MOB1B: variants seen among roughly 807,000 people sequenced by gnomAD.
The protein encoded by MOB1B is MOB1 Mps One Binder homolog B.
MOB1B carries 19 observed loss-of-function variants against 24.4 expected under a neutral mutation model. That is an observed-to-expected ratio of 0.78 (90% confidence interval 0.54 to 1.14). The LOEUF (loss-of-function observed/expected upper bound fraction) is 1.14, where lower values mean the gene tolerates loss of function less well. Ranked by LOEUF, MOB1B falls within the 50% of genes most tolerant of loss-of-function variation. MOB1B has a pLI of 0.00. For missense variants in MOB1B, 243 were observed against 259.6 expected, an observed-to-expected ratio of 0.94 and a Z score of 0.44; for synonymous variants, 76 against 82.1, an observed-to-expected ratio of 0.93 and a Z score of 0.40.
At chr4:70,970,088 G>T in intron 3 of MOB1B, 64 bp downstream of exon 3, 1 of 972,522 alleles carries the variant, frequency 1.0e-6, no homozygotes, top group Non-Finnish European at 1.6e-6. Flanking sequence ...AAAGAAAAAC[G>T]AAGTTTCTGA....
Position 70,982,345 on chromosome 4 carries a change from A to G in MOB1B, c.*288A>G, listed in dbSNP as rs1292687264. ...TTAATAATATTGTGTGCTGCAAGAA[A>G]GTGCTTGTTGATTGAACTGCCGATG... is the stretch of plus-strand genomic sequence containing the variant. On this transcript the variant is annotated 3_prime_UTR_variant, in exon 6 of 6. Coordinates refer to ENST00000309395, the MANE Select transcript of MOB1B (RefSeq NM_173468.4). The G allele has an allele frequency of 4.2e-6, 1 of 237,452 alleles. No individual in the cohort carries two copies. The highest frequency in any genetic ancestry group is 2.3e-5 in the African/African-American group (1 of 43,976). 14.7% of individuals were successfully genotyped at this position (237,452 alleles called of 1,614,324 possible).
intron 1 of MOB1B, among the ~76,000 whole-genome samples, chr4:70,950,427 C>CAAAAAAA (rs34937726): frequency 1.4e-5 from 1 of 70,392 alleles, no homozygotes; most frequent in Non-Finnish European, 3.4e-5. Flanking sequence ...GTCTCTGTAT[C>CAAAAAAA]AAAAAAAAAA....
intron 1 of MOB1B, among the ~76,000 whole-genome samples, chr4:70,907,677 T>C (rs1383837328): frequency 1.3e-5 from 2 of 152,026 alleles, no homozygotes; most frequent in Admixed American, 6.6e-5. Flanking sequence ...CAAAAAACAT[T>C]AGCCAGGTGT....
At chr4:70,954,890 A>G (rs1040779856) in intron 1 of MOB1B, among the ~76,000 whole-genome samples, 11 of 151,874 alleles carry the variant, frequency 7.2e-5, no homozygotes, top group Admixed American at 4.6e-4. Flanking sequence ...GGTTCAAGCA[A>G]TTCTCCTGCC....
chr4:70,958,761 A>G, intron 1 of MOB1B, 113 bp from the exon 2 acceptor site: 1 of 1,002,922 alleles, frequency 1.0e-6, no homozygotes, highest in Admixed American at 1.7e-5. Flanking sequence ...AGTTACAGCA[A>G]TTCTATTGCT....
At chr4:70,950,434 A>G (rs1737755197) in intron 1 of MOB1B, among the ~76,000 whole-genome samples, 3 of 151,452 alleles carry the variant, frequency 2.0e-5, no homozygotes, top group Middle Eastern at 6.9e-3. Flanking sequence ...TATCAAAAAA[A>G]AAAAAAAAAA....
At chr4:70,914,700 G>A (rs1328223180) in intron 1 of MOB1B, among the ~76,000 whole-genome samples, 1 of 152,184 alleles carries the variant, frequency 6.6e-6, no homozygotes, top group Non-Finnish European at 1.5e-5. Context: ...CCTTTCCTAT[G>A]TTTTTCTTTG....
chr4:70,965,862 C>G (rs544627300), intron 2 of MOB1B, among the ~76,000 whole-genome samples: 8 of 147,474 alleles, frequency 5.4e-5, no homozygotes, highest in Non-Finnish European at 1.2e-4. Context: ...ATAAATTTAT[C>G]CCAATAAATT....
rs184825903 is a variant in MOB1B at position 70,962,376 on chromosome 4, A to T, written c.181+3336A>T. 3.8e-3 allele frequency among the ~76,000 whole-genome samples: 580 copies of T among 152,350 alleles called. 2 individuals carry two copies. The highest frequency in any genetic ancestry group is 7.2e-3 in the South Asian group (35 of 4,832). On this transcript the variant is annotated intron_variant, in intron 2 of 5. Coordinates refer to ENST00000309395, the MANE Select transcript of MOB1B (RefSeq NM_173468.4). ...CAGAAAAATCTATTTGAATTTATGA[A>T]AGAGACCAGTGGTCCATATAAATAG...
rs975681583 is a variant in MOB1B, at chr4:70,939,562, A to G, written c.15-19312A>G. ...CCAGGCATGGTGGCGCACACCTGCA[A>G]TCCCAGCTACTCAAGAGGCTGAGGC... On this transcript the variant is annotated intron_variant, in intron 1 of 5. Transcript: ENST00000309395. Among the ~76,000 whole-genome samples the G allele has an allele frequency of 3.3e-5, 5 of 152,172 alleles. 1 individual carries two copies. Among genetic ancestry groups the G allele is most frequent in the Non-Finnish European group, 7.4e-5 (5 of 68,018 alleles).
At chr4:70,979,064 C>T (rs529583558) in intron 4 of MOB1B, 64 bp from the exon 5 acceptor site, 105 of 1,362,680 alleles carry the variant, frequency 7.7e-5, no homozygotes, top group Non-Finnish European at 1.0e-4. Context: ...TGACCTTTGC[C>T]GACAAACTCA....
intron 4 of MOB1B, chr4:70,975,896 T>C: frequency 2.5e-6 from 2 of 788,606 alleles, no homozygotes; most frequent in Non-Finnish European, 3.1e-6. Context: ...TTTATTTTAA[T>C]CTAAATTTTT....
chr4:70,929,557 T>C (rs1736795009), intron 1 of MOB1B, among the ~76,000 whole-genome samples: 1 of 152,104 alleles, frequency 6.6e-6, no homozygotes. Context: ...AACTGCTTAT[T>C]GTGGCCTCCA....
At position 70,984,083 on chromosome 4, in the gene MOB1B, T is replaced by G. The variant is rs1191294187; in HGVS notation, c.*2026T>G. 6.6e-6 allele frequency: 1 copy of G among 152,540 alleles called. No homozygotes were observed. Among genetic ancestry groups the G allele is most frequent in the African/African-American group, 2.4e-5 (1 of 41,436 alleles). 9.4% of individuals were successfully genotyped at this position (152,540 alleles called of 1,614,324 possible). ...TTGCAATAGCCAAGTATAGAGAGAATAGTGAAAAATTAATCTTGCCCTTTC... is the reference window on the plus strand; with the variant it reads ...TTGCAATAGCCAAGTATAGAGAGAAGAGTGAAAAATTAATCTTGCCCTTTC... On this transcript the variant is annotated 3_prime_UTR_variant, in exon 6 of 6. Coordinates refer to ENST00000309395, the MANE Select transcript of MOB1B (RefSeq NM_173468.4).
At chr4:70,902,083 C>T (rs114680694), upstream of MOB1B, among the ~76,000 whole-genome samples, 1,120 of 152,306 alleles carry the variant, frequency 7.4e-3, 13 homozygotes, top group African/African-American at 0.026. Flanking sequence ...TGAGCGGCTC[C>T]GAGAGCTCTG....
rs1332205033 is a variant in MOB1B, at chr4:70,969,984, T to C, written c.235T>C (p.Cys79Arg). The change falls in exon 3 of 6, where the codon TGT becomes CGT. Residue 79 changes from cysteine (C) to arginine (R), a missense_variant. Cys to Arg is a radical substitution (Grantham distance 180, BLOSUM62 -3). Coordinates refer to ENST00000309395, the MANE Select transcript of MOB1B (RefSeq NM_173468.4). ...GCTTTATGGAACTATCACAGACTTC[T>C]GTACAGAAGAGAGTTGTCCAGTGAT... is the stretch of plus-strand genomic sequence containing the variant. ...NMLYGTITDF[C>R]TEESCPVMSA... 1 of 1,607,298 alleles carries C rather than the reference T, an allele frequency of 6.2e-7. No individual in the cohort carries two copies. Among genetic ancestry groups the C allele is most frequent in the Non-Finnish European group, 8.5e-7 (1 of 1,176,140 alleles).
intron 1 of MOB1B, among the ~76,000 whole-genome samples, chr4:70,926,629 A>G (rs1736665418): frequency 1.3e-5 from 2 of 152,212 alleles, no homozygotes; most frequent in Admixed American, 6.5e-5. Flanking sequence ...TAATAAAATG[A>G]ACATTTATTG....
chr4:70,941,350 T>A (rs1381050313), intron 1 of MOB1B, among the ~76,000 whole-genome samples: 1 of 152,212 alleles, frequency 6.6e-6, no homozygotes, highest in East Asian at 1.9e-4. Flanking sequence ...TTTTATTTAT[T>A]TATTTTTTTG....
At chr4:70,908,345 T>A (rs1474583233) in intron 1 of MOB1B, among the ~76,000 whole-genome samples, 3 of 151,044 alleles carry the variant, frequency 2.0e-5, no homozygotes, top group Non-Finnish European at 4.4e-5. Flanking sequence ...TTTTTTTTTT[T>A]TAAATGTCAA....
Sources: gnomAD v4.1 joint callset for allele counts (sites outside exome capture counted in the v4.1 genomes callset) on GRCh38, gnomAD v4.1.1 for gene constraint, MANE v1.5 for transcripts, NCBI Gene and HGNC (gene_info 2026-07-23, HGNC 2026-07-21) for gene names.